Variants in OCA2 observed in about 807,000 individuals in gnomAD.
The protein encoded by OCA2 is OCA2 melanosomal transmembrane protein, also known as P protein.
A neutral mutation model predicts 100.2 loss-of-function variants in OCA2; 77 were observed. The observed-to-expected ratio is 0.77, with a 90% CI of 0.64 to 0.93. The LOEUF (loss-of-function observed/expected upper bound fraction) is 0.93, where lower values mean the gene tolerates loss of function less well. OCA2 is among the 40% of genes least tolerant of loss of function. The probability of loss-of-function intolerance (pLI) is 0.00; values close to 1 mark genes in which losing one functional copy is unlikely to be tolerated. For synonymous variants in OCA2, 432 were observed against 439.2 expected (o/e 0.98, Z 0.21); for missense variants, 1,062 against 1,089.1 (o/e 0.98, Z 0.35).
chr15:27,933,883 C>G (rs900300934), intron 18 of OCA2, among the ~76,000 whole-genome samples: 1 of 151,972 alleles, frequency 6.6e-6, no homozygotes, highest in Non-Finnish European at 1.5e-5. Context: ...AGAGGCCTGA[C>G]AGTGATGTAA....
At chr15:27,836,834 C>T (rs2035171673) in intron 23 of OCA2, among the ~76,000 whole-genome samples, 1 of 152,158 alleles carries the variant, frequency 6.6e-6, no homozygotes, top group African/African-American at 2.4e-5. Context: ...ATGGTTTATT[C>T]TCTAGATATT....
intron 23 of OCA2, among the ~76,000 whole-genome samples, chr15:27,794,640 A>T (rs2033246764): frequency 6.6e-6 from 1 of 152,204 alleles, no homozygotes; most frequent in South Asian, 2.1e-4. Flanking sequence ...AGTGTGTTGT[A>T]GAGCCAGGAA....
At chr15:27,842,017 T>C (rs2035359881) in intron 23 of OCA2, among the ~76,000 whole-genome samples, 1 of 152,244 alleles carries the variant, frequency 6.6e-6, no homozygotes, top group Non-Finnish European at 1.5e-5. Context: ...AGAAAATTTA[T>C]CTTCAATTAT....
chr15:27,723,964 GC>G, the OCA2 span, among the ~76,000 whole-genome samples: 1 of 152,154 alleles, frequency 6.6e-6, no homozygotes. Context: ...CTTCCCAGCA[GC>G]CCTGCCGTCA....
chr15:27,888,041 C>T (rs539309447), intron 19 of OCA2, among the ~76,000 whole-genome samples: 1 of 152,224 alleles, frequency 6.6e-6, no homozygotes, highest in South Asian at 2.1e-4. Context: ...ATGAAATGTT[C>T]TGAGGCCCCC....
chr15:27,864,295 C>A (rs2036241943), intron 21 of OCA2, among the ~76,000 whole-genome samples: 1 of 152,196 alleles, frequency 6.6e-6, no homozygotes, highest in African/African-American at 2.4e-5. Context: ...CCTGCAGAAC[C>A]TGAGCTGCTA....
At position 27,926,276 on chromosome 15, in the gene OCA2, T is replaced by C. The variant is rs544164565; in HGVS notation, c.1952-22A>G. ...CATCCTGAAAATAAGTAAATAGACA[T>C]AGAGATATAGTTCCACTGTTAACAC... On this transcript the variant is annotated intron_variant, in intron 18 of 23. Transcript: ENST00000354638. 238 of 1,613,516 alleles carry C rather than the reference T, an allele frequency of 1.5e-4. 3 individuals are homozygous for C. The South Asian group carries it at 2.5e-3, about 17-fold the overall frequency.
chr15:27,824,621 T>TATATATATATAA (rs1315693272), intron 23 of OCA2, among the ~76,000 whole-genome samples: 7 of 124,152 alleles, frequency 5.6e-5, no homozygotes, highest in African/African-American at 2.2e-4. Context: ...TATATATATA[T>TATATATATATAA]AATATAATAT....
In OCA2 at chr15:27,829,301, A is replaced by ATAGATAGATAGATAGATAGATAGATAGT. The variant is rs1555412967; in HGVS notation, c.2432+15657_2432+15658insACTATCTATCTATCTATCTATCTATCTA. The stretch of plus-strand genomic sequence containing the variant: ...AGATGATAGATAGATAGATAGATAG[A>ATAGATAGATAGATAGATAGATAGATAGT]TAGATAGATAGATAGAGTGATCAGA... On this transcript the variant is annotated intron_variant, in intron 23 of 23. Transcript: ENST00000354638. Among the ~76,000 whole-genome samples, 499 of 151,176 alleles carry ATAGATAGATAGATAGATAGATAGATAGT rather than the reference A, an allele frequency of 3.3e-3. 4 individuals are homozygous for ATAGATAGATAGATAGATAGATAGATAGT. Among genetic ancestry groups the ATAGATAGATAGATAGATAGATAGATAGT allele is most frequent in the East Asian group, 6.5e-3 (33 of 5,078 alleles).
chr15:27,995,212 A>ACC (rs2041682722), intron 9 of OCA2, among the ~76,000 whole-genome samples: 1 of 152,222 alleles, frequency 6.6e-6, no homozygotes, highest in Non-Finnish European at 1.5e-5. Flanking sequence ...AATGGATAGA[A>ACC]CATCCAGACA....
chr15:27,929,831 T>TTTTTTTTTTTTTTTTTTTG (rs1343960106), intron 18 of OCA2, among the ~76,000 whole-genome samples: 7 of 150,810 alleles, frequency 4.6e-5, no homozygotes, highest in East Asian at 1.9e-4. Flanking sequence ...GGAAATATTT[T>TTTTTTTTTTTTTTTTTTTG]AAACAGACAC....
At chr15:27,739,964 C>T in the OCA2 span, among the ~76,000 whole-genome samples, 1 of 152,160 alleles carries the variant, frequency 6.6e-6, no homozygotes, top group Admixed American at 6.5e-5. Context: ...GTGAGATTTG[C>T]ATTTCAGGCC....
intron 19 of OCA2, among the ~76,000 whole-genome samples, chr15:27,903,319 G>A (rs1308507602): frequency 6.6e-6 from 1 of 152,144 alleles, no homozygotes; most frequent in African/African-American, 2.4e-5. Flanking sequence ...GTGCTTCCGC[G>A]GGCCCACAGC....
chr15:27,817,609 C>T (rs1595460298), intron 23 of OCA2, among the ~76,000 whole-genome samples: 2 of 152,270 alleles, frequency 1.3e-5, no homozygotes, highest in African/African-American at 4.8e-5. Context: ...GCCCCTCACC[C>T]TCCATGATCC....
intron 1 of OCA2, among the ~76,000 whole-genome samples, chr15:28,095,068 G>C (rs931913840): frequency 1.3e-5 from 2 of 152,240 alleles, no homozygotes; most frequent in Non-Finnish European, 2.9e-5. Context: ...CCAAGAGAGC[G>C]GTGCTGCCGG....
chr15:27,882,725 C>T (rs968391747), intron 19 of OCA2, among the ~76,000 whole-genome samples: 22 of 152,122 alleles, frequency 1.4e-4, no homozygotes, highest in African/African-American at 5.3e-4. Context: ...TAATTGGCTT[C>T]TGACCACAAT....
the OCA2 span, among the ~76,000 whole-genome samples, chr15:27,731,776 T>A: frequency 1.3e-5 from 2 of 152,198 alleles, no homozygotes; most frequent in African/African-American, 4.8e-5. Context: ...AAAAGGAATC[T>A]CCTTTAAATA....
At chr15:28,096,055 G>T (rs565959419) in intron 1 of OCA2, among the ~76,000 whole-genome samples, 4 of 152,222 alleles carry the variant, frequency 2.6e-5, no homozygotes, top group Admixed American at 6.5e-5. Flanking sequence ...CTCGGAGCAC[G>T]GCCCTTCTCT....
chr15:28,097,116 T>C (rs965944750), intron 1 of OCA2, among the ~76,000 whole-genome samples: 5 of 152,192 alleles, frequency 3.3e-5, no homozygotes, highest in African/African-American at 1.2e-4. Flanking sequence ...ACACCGGACC[T>C]GCTCCCCGCC....
Sources: allele counts gnomAD v4.1 joint callset (sites outside exome capture counted in the v4.1 genomes callset), GRCh38; gene constraint gnomAD v4.1.1; transcripts MANE v1.5; gene names NCBI Gene and HGNC (gene_info 2026-07-23, HGNC 2026-07-21).